The following HDAC4 variants were observed in gnomAD, a reference collection of about 807,000 sequenced individuals.
HDAC4 encodes the protein histone deacetylase 4.
HDAC4 carries 16 observed loss-of-function variants against 135.1 expected under a neutral mutation model. The observed-to-expected ratio is 0.12, with a 90% confidence interval of 0.08 to 0.18. The LOEUF (loss-of-function observed/expected upper bound fraction) is 0.18, where lower values mean the gene tolerates loss of function less well. HDAC4 is among the 10% of genes least tolerant of loss of function. The pLI, the probability that HDAC4 is intolerant of heterozygous loss-of-function variation, is 1.00. For synonymous variants in HDAC4, 685 were observed against 653.4 expected (o/e 1.05, Z -0.74); for missense variants, 1,143 against 1,511.8 (o/e 0.76, Z 4.05).
chr2:239,123,118 A>G (rs1338270598), intron 12 of HDAC4, among the ~76,000 whole-genome samples: 2 of 152,254 alleles, frequency 1.3e-5, no homozygotes, highest in Admixed American at 1.3e-4. Context: ...AAATCCTTCA[A>G]GAGTATACGG....
chr2:239,352,637 A>G lies in HDAC4; in HGVS notation c.22+41T>C. 1 of 1,547,446 alleles carries G rather than the reference A, an allele frequency of 6.5e-7. No homozygotes were observed. On this transcript the variant is annotated intron_variant, in intron 2 of 26. Transcript: ENST00000543185. This position sits in a 1 kb window ranked among gnomAD's most constrained non-coding sequence, Gnocchi z 4.4. ...AAGAACTTCTACTTTGGGCAAAGAA[A>G]GCCCCGCTGTGTGCCCAGAGAAGAA...
chr2:239,165,712 C>T (rs2043086661), intron 5 of HDAC4, among the ~76,000 whole-genome samples: 1 of 152,160 alleles, frequency 6.6e-6, no homozygotes, highest in African/African-American at 2.4e-5. Context: ...CGCCCTGGTT[C>T]GTGGCTCTCG....
intron 24 of HDAC4, among the ~76,000 whole-genome samples, chr2:239,057,091 A>C (rs1214602445): frequency 6.6e-6 from 1 of 152,146 alleles, no homozygotes; most frequent in African/African-American, 2.4e-5. Context: ...GTTAATAGTC[A>C]TGGACCAGCA....
At chr2:239,257,341 CACT>C (rs2049108163) in intron 2 of HDAC4, among the ~76,000 whole-genome samples, 1 of 151,770 alleles carries the variant, frequency 6.6e-6, no homozygotes, top group Admixed American at 6.6e-5. Flanking sequence ...TTCTTGATGA[CACT>C]ACTAAGTTAA....
chr2:239,107,301 G>A (rs1003232358), intron 15 of HDAC4, among the ~76,000 whole-genome samples: 15 of 152,238 alleles, frequency 9.9e-5, no homozygotes, highest in African/African-American at 3.4e-4. Context: ...AGCCAGATTC[G>A]GGGCAGGGCT....
At chr2:239,066,694 T>A (rs2033536140) in intron 24 of HDAC4, 28 bp downstream of exon 24, 1 of 1,612,974 alleles carries the variant, frequency 6.2e-7, no homozygotes, top group Non-Finnish European at 8.5e-7. Flanking sequence ...GTGTGGAGCA[T>A]CCTGTGGGGT....
At chr2:239,263,270 G>GCCCTGAGGACCCCCC (rs2049490021) in intron 2 of HDAC4, among the ~76,000 whole-genome samples, 1 of 68,738 alleles carries the variant, frequency 1.5e-5, no homozygotes, top group Non-Finnish European at 3.3e-5. Context: ...GAGGACCCCC[G>GCCCTGAGGACCCCCC]CCCAGCCCAG....
At chr2:239,197,700 T>C (rs1304147521) in intron 3 of HDAC4, among the ~76,000 whole-genome samples, 1 of 152,224 alleles carries the variant, frequency 6.6e-6, no homozygotes, top group Non-Finnish European at 1.5e-5. Context: ...TTTTTGCTAT[T>C]TTGTTTCTAA....
rs113445632 is a variant in HDAC4 at position 239,340,367 on chromosome 2, A to C, written c.22+12311T>G. On this transcript the variant is annotated intron_variant, in intron 2 of 26. Transcript: ENST00000543185. ...GATGTGAAGGCAGATAGACAATTCA[A>C]CTGTTCTCAGAAGCTACAGAGGGGC... Among the ~76,000 whole-genome samples the C allele has an allele frequency of 6.6e-5, 10 of 152,228 alleles. 1 individual carries two copies. Among genetic ancestry groups the C allele is most frequent in the African/African-American group, 2.4e-4 (10 of 41,544 alleles).
intron 11 of HDAC4, 54 bp from the exon 12 acceptor site, chr2:239,126,748 G>A (rs2040218265): frequency 6.4e-7 from 1 of 1,561,510 alleles, no homozygotes; most frequent in Non-Finnish European, 8.8e-7. Flanking sequence ...AAGAGAGGAG[G>A]GAGAGAGGGC....
intron 2 of HDAC4, among the ~76,000 whole-genome samples, chr2:239,327,774 G>C (rs62182107): frequency 0.33 from 50,108 of 151,984 alleles, 9,288 homozygotes; most frequent in Non-Finnish European, 0.43. Context: ...CGGAAACCCA[G>C]AGCAAGCCTA....
chr2:239,070,546 C>G (rs2034075603), intron 22 of HDAC4, among the ~76,000 whole-genome samples: 1 of 152,368 alleles, frequency 6.6e-6, no homozygotes, highest in East Asian at 1.9e-4. Flanking sequence ...AGGCTGCCGC[C>G]TTCGATCCTG....
Position 239,096,818 on chromosome 2 carries a change from G to A in HDAC4, c.2234-1762C>T, listed in dbSNP as rs59838389. On this transcript the variant is annotated intron_variant, in intron 16 of 26. Transcript: ENST00000543185. The stretch of plus-strand genomic sequence containing the variant: ...GCCAGGCCCTAGTGTGAGGCCCGAT[G>A]CACAGAGCTGACTCAGGCTCTTCTC... Among the ~76,000 whole-genome samples, 343 of 148,332 alleles carry A rather than the reference G, an allele frequency of 2.3e-3. 2 individuals carry two copies. The highest frequency in any genetic ancestry group is 8.1e-3 in the African/African-American group (327 of 40,258).
chr2:239,315,268 C>T (rs560404765), intron 2 of HDAC4, among the ~76,000 whole-genome samples: 12 of 152,248 alleles, frequency 7.9e-5, no homozygotes, highest in South Asian at 2.1e-4. Context: ...AGCTGTTCCC[C>T]GACCACCTTG....
chr2:239,173,409 AATC>A (rs1303154379), intron 5 of HDAC4, among the ~76,000 whole-genome samples: 2 of 152,216 alleles, frequency 1.3e-5, no homozygotes, highest in Non-Finnish European at 2.9e-5. Context: ...AAAATCATAC[AATC>A]ATCTCAAAAG....
chr2:239,118,311 T>A (rs181009898), intron 12 of HDAC4, among the ~76,000 whole-genome samples: 1 of 152,322 alleles, frequency 6.6e-6, no homozygotes, highest in African/African-American at 2.4e-5. Context: ...AGGCAGCTTT[T>A]CTTCAGAAAA....
chr2:239,066,714 C>T lies in HDAC4; in HGVS notation c.3003+8G>A. 6.2e-7 allele frequency: 1 copy of T among 1,613,712 alleles called. No homozygotes were observed. The highest frequency in any genetic ancestry group is 1.1e-5 in the South Asian group (1 of 91,068). On this transcript the variant is annotated splice_region_variant and intron_variant, in intron 24 of 26. Transcript: ENST00000543185. ...GAGCATCCTGTGGGGTCTCTGGGGT[C>T]TTCCTACCTCGTTTCCCAGCAAGGC...
intron 3 of HDAC4, among the ~76,000 whole-genome samples, chr2:239,221,723 C>T (rs2046970456): frequency 6.6e-6 from 1 of 152,120 alleles, no homozygotes; most frequent in Admixed American, 6.5e-5. Flanking sequence ...GTATGACAAA[C>T]TCAAAAATCT....
At chr2:239,379,295 G>A (rs1270136527) in intron 1 of HDAC4, among the ~76,000 whole-genome samples, 5 of 152,150 alleles carry the variant, frequency 3.3e-5, no homozygotes, top group East Asian at 1.9e-4. Context: ...TGGCTCCCGC[G>A]CAGGTGGGCG....
Sources: allele counts gnomAD v4.1 joint callset (sites outside exome capture counted in the v4.1 genomes callset), GRCh38; gene constraint gnomAD v4.1.1; non-coding constraint Gnocchi (gnomAD v3.1); transcripts MANE v1.5; gene names NCBI Gene and HGNC (gene_info 2026-07-23, HGNC 2026-07-21).